RPH3A: variants seen among roughly 807,000 people sequenced by gnomAD.
RPH3A encodes the protein rabphilin-3A.
RPH3A carries 48 observed loss-of-function variants against 102.2 expected under a neutral mutation model. That is an observed-to-expected ratio of 0.47 (90% CI 0.37 to 0.60). The LOEUF is 0.60. Among genes scored for constraint, RPH3A ranks in the 20% least tolerant of loss-of-function variants. The pLI, the probability that RPH3A is intolerant of heterozygous loss-of-function variation, is 0.00. For synonymous variants in RPH3A, 310 were observed against 324.3 expected, an observed-to-expected ratio of 0.96 and a Z score of 0.47; for missense variants, 781 against 910.1, an observed-to-expected ratio of 0.86 and a Z score of 1.83.
Position 112,887,854 on chromosome 12 carries a change from A to G in RPH3A, c.1494A>G (p.Arg498=), listed in dbSNP as rs1426496022. The change falls in exon 17 of 22, where the codon AGA becomes AGG. Residue 498 remains arginine (R), a synonymous_variant. Coordinates refer to ENST00000389385, the MANE Select transcript of RPH3A (RefSeq NM_001143854.2). ...ACAATGAATTTATTGGTGAGACCAGATTCTCCCTCAAGAAACTGAAGCCCA... is the reference window on the plus strand; with the variant it reads ...ACAATGAATTTATTGGTGAGACCAGGTTCTCCCTCAAGAAACTGAAGCCCA... The part of the protein sequence containing the change: ...FGHNEFIGET[R]FSLKKLKPNQ... 1.2e-6 allele frequency: 2 copies of G among 1,614,000 alleles called. No homozygotes were observed. Among genetic ancestry groups the G allele is most frequent in the Non-Finnish European group, 1.7e-6 (2 of 1,179,894 alleles).
At chr12:112,638,921 G>C (rs1446570505) in intron 1 of RPH3A, among the ~76,000 whole-genome samples, 1 of 152,148 alleles carries the variant, frequency 6.6e-6, no homozygotes, top group Non-Finnish European at 1.5e-5. Context: ...TGGGTGCCCA[G>C]GACAGCTCCC....
At chr12:112,887,521 G>A (rs1488422724) in intron 16 of RPH3A, among the ~76,000 whole-genome samples, 1 of 152,164 alleles carries the variant, frequency 6.6e-6, no homozygotes, top group Non-Finnish European at 1.5e-5. Context: ...TCTCTGGAAT[G>A]TTTTATATCT....
At chr12:112,725,250 GAAAAAAAAAAAAAAA>G (rs35952537) in intron 1 of RPH3A, among the ~76,000 whole-genome samples, 5 of 63,066 alleles carry the variant, frequency 7.9e-5, no homozygotes, top group South Asian at 6.2e-4. Flanking sequence ...CTTTGTCTCA[GAAAAAAAAAAAAAAA>G]AAAAAAAAAA....
At chr12:112,621,744 C>A (rs1383911081) in intron 1 of RPH3A, among the ~76,000 whole-genome samples, 1 of 152,104 alleles carries the variant, frequency 6.6e-6, no homozygotes, top group Non-Finnish European at 1.5e-5. Context: ...TAGGCTTCAC[C>A]TCTGGGGGCA....
At chr12:112,679,582 C>A (rs1245132009) in intron 1 of RPH3A, among the ~76,000 whole-genome samples, 1 of 152,170 alleles carries the variant, frequency 6.6e-6, no homozygotes, top group Admixed American at 6.5e-5. Flanking sequence ...TGCACCACCA[C>A]GCCCGGCTAA....
chr12:112,596,789 C>T (rs895375845), intron 1 of RPH3A, among the ~76,000 whole-genome samples: 21 of 152,174 alleles, frequency 1.4e-4, no homozygotes, highest in Non-Finnish European at 7.4e-5. Flanking sequence ...CTAGTGAATC[C>T]GTAAACCATT....
At chr12:112,774,997 A>G (rs2040956121) in intron 1 of RPH3A, among the ~76,000 whole-genome samples, 3 of 152,090 alleles carry the variant, frequency 2.0e-5, no homozygotes, top group African/African-American at 7.2e-5. Flanking sequence ...CCTTCAAAGA[A>G]TATAAAATTG....
At chr12:112,634,241 G>A (rs61942290) in intron 1 of RPH3A, among the ~76,000 whole-genome samples, 9,698 of 23,804 alleles carry the variant, frequency 0.41, 2,466 homozygotes, top group Middle Eastern at 0.61. Flanking sequence ...CCAGCTACTT[G>A]GGAGGCTGAG....
Position 112,745,024 on chromosome 12 carries a change from A to C in RPH3A, c.-139-47119A>C, listed in dbSNP as rs115915499. On this transcript the variant is annotated intron_variant, in intron 1 of 21. Transcript: ENST00000543106. The stretch of plus-strand genomic sequence containing the variant: ...TAATCTTCTCTTTATTCTCTGTCCA[A>C]GATCTAATCCAGGATTGTGCATTGT... Among the ~76,000 whole-genome samples the C allele has an allele frequency of 7.2e-3, 1,091 of 152,318 alleles. 15 individuals carry two copies. The highest frequency in any genetic ancestry group is 0.025 in the African/African-American group (1,024 of 41,566).
chr12:112,800,908 T>C (rs907855705), intron 2 of RPH3A, among the ~76,000 whole-genome samples: 1 of 152,042 alleles, frequency 6.6e-6, no homozygotes, highest in Non-Finnish European at 1.5e-5. Context: ...GCTCTGCAAA[T>C]GCCCGTTCCA....
At chr12:112,749,513 C>A (rs1391843364) in intron 1 of RPH3A, among the ~76,000 whole-genome samples, 3 of 152,202 alleles carry the variant, frequency 2.0e-5, no homozygotes, top group African/African-American at 7.2e-5. Context: ...AGCGTTTTCT[C>A]CTTTGAGAAG....
rs1463201662 is a variant in RPH3A at position 112,791,959 on chromosome 12, T to C, written c.-193T>C. The stretch of plus-strand genomic sequence containing the variant: ...GGAGGACAGTCTGAGGGAGCCACTG[T>C]CCCTTGTCCACTGACTCACTGGCTG... On this transcript the variant is annotated 5_prime_UTR_variant, in exon 1 of 22. Transcript: ENST00000389385. 1.3e-5 allele frequency: 2 copies of C among 149,066 alleles called. No individual in the cohort carries two copies. The highest frequency in any genetic ancestry group is 3.0e-5 in the Non-Finnish European group (2 of 67,558). 9.2% of individuals were successfully genotyped at this position (149,066 alleles called of 1,614,324 possible).
chr12:112,622,734 G>C (rs2039740428), intron 1 of RPH3A, among the ~76,000 whole-genome samples: 1 of 147,956 alleles, frequency 6.8e-6, no homozygotes, highest in Non-Finnish European at 1.5e-5. Flanking sequence ...CTCGAGAAGA[G>C]CAACTCCAAG....
intron 1 of RPH3A, among the ~76,000 whole-genome samples, chr12:112,776,132 C>A (rs1356273040): frequency 3.3e-5 from 5 of 152,174 alleles, no homozygotes; most frequent in Admixed American, 6.5e-5. Context: ...CAGACCTGGA[C>A]TTGGTTTCCA....
At chr12:112,775,168 C>G (rs1318400810) in intron 1 of RPH3A, among the ~76,000 whole-genome samples, 1 of 151,930 alleles carries the variant, frequency 6.6e-6, no homozygotes, top group Non-Finnish European at 1.5e-5. Context: ...CCATGTTTAC[C>G]TATGTAACAA....
intron 1 of RPH3A, among the ~76,000 whole-genome samples, chr12:112,634,840 A>G (rs1029523073): frequency 1.1e-4 from 16 of 152,234 alleles, no homozygotes; most frequent in African/African-American, 3.4e-4. Flanking sequence ...CACTTGCTCC[A>G]ATCCCTGTCT....
chr12:112,794,272 C>T (rs564981785), intron 2 of RPH3A, among the ~76,000 whole-genome samples: 57 of 152,312 alleles, frequency 3.7e-4, no homozygotes, highest in African/African-American at 1.3e-3. Context: ...GTCTGGGTGG[C>T]CCTAAGTCCC....
At chr12:112,759,784 C>T (rs574653346) in intron 1 of RPH3A, among the ~76,000 whole-genome samples, 1 of 152,188 alleles carries the variant, frequency 6.6e-6, no homozygotes, top group African/African-American at 2.4e-5. Context: ...GGCAGGGTCA[C>T]AGCCACCACT....
rs776211665 is a variant in RPH3A at position 112,887,784 on chromosome 12, G to C, written c.1437-13G>C. ...TTCCTGTTTCTCTCTCTACCCCCTTGTGTTGGTGGCAGGATCTCCGTCTGT... is the reference window on the plus strand; with the variant it reads ...TTCCTGTTTCTCTCTCTACCCCCTTCTGTTGGTGGCAGGATCTCCGTCTGT... On this transcript the variant is annotated splice_polypyrimidine_tract_variant and intron_variant, in intron 16 of 21. Coordinates refer to ENST00000389385, the MANE Select transcript of RPH3A (RefSeq NM_001143854.2). The C allele has an allele frequency of 6.2e-7, 1 of 1,612,780 alleles. No homozygotes were observed. The highest frequency in any genetic ancestry group is 8.5e-7 in the Non-Finnish European group (1 of 1,179,208).
Sources: gnomAD v4.1 joint callset for allele counts (sites outside exome capture counted in the v4.1 genomes callset) on GRCh38, gnomAD v4.1.1 for gene constraint, MANE v1.5 for transcripts, NCBI Gene and HGNC (gene_info 2026-07-23, HGNC 2026-07-21) for gene names.